NOSTRIN: variants seen among roughly 807,000 people sequenced by gnomAD.
NOSTRIN encodes the protein nitric oxide synthase trafficking.
In NOSTRIN, 63 loss-of-function variants were observed where a neutral mutation model predicts 59.0. The ratio of observed to expected loss-of-function variants is 1.07; its 90% CI spans 0.87 to 1.32. The LOEUF (loss-of-function observed/expected upper bound fraction) is 1.32, where lower values mean the gene tolerates loss of function less well. Ranked by LOEUF, NOSTRIN falls within the 40% of genes most tolerant of loss-of-function variation. The pLI is 0.00. For synonymous variants in NOSTRIN, 200 were observed against 165.4 expected, an observed-to-expected ratio of 1.21 and a Z score of -1.61; for missense variants, 512 against 473.1, an observed-to-expected ratio of 1.08 and a Z score of -0.76.
At chr2:168,844,894 A>G (rs1688321850) in intron 8 of NOSTRIN, among the ~76,000 whole-genome samples, 1 of 149,160 alleles carries the variant, frequency 6.7e-6, no homozygotes, top group Admixed American at 6.7e-5. Context: ...AAAAAGATTC[A>G]GCCTGGACCT....
chr2:168,856,523 C>T (rs775047793), intron 11 of NOSTRIN, 167 bp from the exon 12 acceptor site: 104 of 597,012 alleles, frequency 1.7e-4, no homozygotes, highest in African/African-American at 3.0e-4. Context: ...TGCAGTGAGC[C>T]GAGATCGCGC....
At position 168,843,073 on chromosome 2, in the gene NOSTRIN, T is replaced by C. The variant is rs1160921542; in HGVS notation, c.586T>C (p.Ser196Pro). The stretch of plus-strand genomic sequence containing the variant: ...CTACCAAAAAAACATGGCGGGTTAT[T>C]CTACCAGACTGAAATGGGAAAACAC... Reference protein sequence around the residue: ...NYYQKNMAGYSTRLKWENTLE... With the variant: ...NYYQKNMAGYPTRLKWENTLE... The change falls in exon 8 of 16, where the codon TCT (serine) becomes CCT (proline). Residue 196 changes from serine to proline, a missense_variant. By Grantham distance (74) the Ser-to-Pro change is moderately conservative. Coordinates refer to ENST00000317647, the MANE Select transcript of NOSTRIN (RefSeq NM_001039724.4). The C allele has an allele frequency of 2.3e-6, 2 of 872,586 alleles. No individual in the cohort carries two copies. The highest frequency in any genetic ancestry group is 4.0e-6 in the Non-Finnish European group (2 of 501,560). The allele number at this position is 872,586 out of a possible 1,614,324, so 54.1% of individuals were successfully genotyped here. A position where few individuals can be genotyped will look rare whatever the true frequency, so the allele number is the denominator to read the frequency against.
chr2:168,823,336 C>A (rs1056705898), intron 2 of NOSTRIN, among the ~76,000 whole-genome samples: 1 of 152,192 alleles, frequency 6.6e-6, no homozygotes, highest in Admixed American at 6.5e-5. Flanking sequence ...GTTTTTAGGG[C>A]TGTCATAACA....
At chr2:168,813,710 T>TC (rs1237447026) in intron 2 of NOSTRIN, among the ~76,000 whole-genome samples, 1 of 152,124 alleles carries the variant, frequency 6.6e-6, no homozygotes. Flanking sequence ...AATTTGAACA[T>TC]CTCAAGAGTC....
intron 2 of NOSTRIN, among the ~76,000 whole-genome samples, chr2:168,818,663 T>G (rs1224925741): frequency 6.6e-6 from 1 of 152,216 alleles, no homozygotes; most frequent in Non-Finnish European, 1.5e-5. Context: ...TTCAAAAATA[T>G]AATTTATTTT....
rs139239630 is a variant in NOSTRIN, at chr2:168,824,971, C to T, written c.197+254C>T. On this transcript the variant is annotated intron_variant, in intron 3 of 15. Coordinates refer to ENST00000317647, the MANE Select transcript of NOSTRIN (RefSeq NM_001039724.4). ...ACAGGGTCTTACTATGTTGCCCAGG[C>T]TGGTCTTGAACTCCTGGGCTCAAGT... Among the ~76,000 whole-genome samples, 358 of 152,196 alleles carry T rather than the reference C, an allele frequency of 2.4e-3. 4 individuals carry two copies. Among genetic ancestry groups the T allele is most frequent in the African/African-American group, 8.1e-3 (337 of 41,498 alleles).
intron 12 of NOSTRIN, among the ~76,000 whole-genome samples, chr2:168,858,816 A>T (rs150167180): frequency 1.4e-4 from 22 of 152,248 alleles, no homozygotes; most frequent in African/African-American, 4.6e-4. Context: ...AATGGTGAGG[A>T]GGGGGCTGGA....
At chr2:168,834,505 GCGCACACA>G (rs1467992890) in intron 7 of NOSTRIN, among the ~76,000 whole-genome samples, 180 bp downstream of exon 7, 3 of 103,134 alleles carry the variant, frequency 2.9e-5, no homozygotes, top group East Asian at 5.4e-4. Flanking sequence ...GCGCGCGCGC[GCGCACACA>G]CACACACACA....
chr2:168,823,430 G>A (rs901634420), intron 2 of NOSTRIN, among the ~76,000 whole-genome samples: 16 of 152,326 alleles, frequency 1.1e-4, no homozygotes, highest in Admixed American at 8.5e-4. Flanking sequence ...TGCGTTCTGA[G>A]GGCTGTGAGG....
At chr2:168,803,297 A>G (rs927959680) in intron 1 of NOSTRIN, among the ~76,000 whole-genome samples, 20 of 152,194 alleles carry the variant, frequency 1.3e-4, no homozygotes, top group African/African-American at 4.6e-4. Context: ...GCAATAGCAG[A>G]GATGTAATTT....
chr2:168,853,703 T>C (rs1312924568), intron 10 of NOSTRIN, among the ~76,000 whole-genome samples: 1 of 152,196 alleles, frequency 6.6e-6, no homozygotes, highest in South Asian at 2.1e-4. Flanking sequence ...CAGAGTTTAC[T>C]TGGGGGTGTG....
rs148347432 is a variant in NOSTRIN at position 168,846,714 on chromosome 2, TTTTTAAAAGCCATC to T, written c.630+3599_630+3612del. ...ACTGAAGTACTTACTCAAGGAATTA[TTTTTAAAAGCCATC>T]TGCAATATGTGTCAAGAGCCTTAAA... On this transcript the variant is annotated intron_variant, in intron 8 of 15. Coordinates refer to ENST00000317647, the MANE Select transcript of NOSTRIN (RefSeq NM_001039724.4). 2.2e-3 allele frequency among the ~76,000 whole-genome samples: 328 copies of T among 152,384 alleles called. 16 individuals are homozygous for T. The East Asian group carries it at 0.059, about 27-fold the overall frequency.
chr2:168,834,661 C>A (rs2105673257), intron 7 of NOSTRIN, among the ~76,000 whole-genome samples: 2 of 152,048 alleles, frequency 1.3e-5, no homozygotes, highest in South Asian at 4.2e-4. Context: ...TCTCAAGTAG[C>A]TGGGACTACA....
upstream of NOSTRIN, among the ~76,000 whole-genome samples, chr2:168,798,813 C>CGATAGATAGATA (rs57650807): frequency 6.8e-3 from 1,009 of 149,338 alleles, 35 homozygotes; most frequent in East Asian, 0.085. Context: ...ATCGATCGAT[C>CGATAGATAGATA]GATAGATAGA....
At chr2:168,852,780 T>C (rs1688848752) in intron 10 of NOSTRIN, among the ~76,000 whole-genome samples, 1 of 152,184 alleles carries the variant, frequency 6.6e-6, no homozygotes, top group South Asian at 2.1e-4. Context: ...AATGACCAGC[T>C]ATTTTTTACT....
At chr2:168,820,033 G>C (rs980033711) in intron 2 of NOSTRIN, among the ~76,000 whole-genome samples, 1 of 152,218 alleles carries the variant, frequency 6.6e-6, no homozygotes, top group African/African-American at 2.4e-5. Flanking sequence ...GAGCTGTGCT[G>C]ATTCAGAACA....
At chr2:168,790,291 TATATA>T (rs1244174742) in intron 2 of NOSTRIN, among the ~76,000 whole-genome samples, 3 of 152,186 alleles carry the variant, frequency 2.0e-5, no homozygotes, top group African/African-American at 7.2e-5. Flanking sequence ...ATAAAATTAA[TATATA>T]ATAAACTGAA....
intron 6 of NOSTRIN, among the ~76,000 whole-genome samples, chr2:168,833,094 A>G (rs961218451): frequency 6.6e-6 from 1 of 152,182 alleles, no homozygotes. Context: ...TAAATAAAAG[A>G]TTTCATTTTT....
chr2:168,790,671 A>T (rs1481750141), intron 2 of NOSTRIN, among the ~76,000 whole-genome samples: 1 of 152,250 alleles, frequency 6.6e-6, no homozygotes, highest in African/African-American at 2.4e-5. Context: ...AGTGGAAACT[A>T]AAGAAACATA....
Sources: gnomAD v4.1 joint callset for allele counts (sites outside exome capture counted in the v4.1 genomes callset) on GRCh38, gnomAD v4.1.1 for gene constraint, MANE v1.5 for transcripts, NCBI Gene and HGNC (gene_info 2026-07-23, HGNC 2026-07-21) for gene names.